The following FAM227B variants were observed in gnomAD, a reference collection of about 807,000 sequenced individuals.
FAM227B encodes protein FAM227B.
Under a neutral mutation model 73.8 loss-of-function variants are expected in FAM227B, and 88 were observed. That is an observed-to-expected ratio of 1.19 (90% confidence interval 1.00 to 1.42). The LOEUF (loss-of-function observed/expected upper bound fraction) is 1.42. FAM227B is among the 40% of genes most tolerant of loss of function. The pLI is 0.00. For missense variants in FAM227B, 632 were observed against 590.9 expected, an observed-to-expected ratio of 1.07 and a Z score of -0.72; for synonymous variants, 210 against 190.5, an observed-to-expected ratio of 1.10 and a Z score of -0.84.
intron 13 of FAM227B, among the ~76,000 whole-genome samples, chr15:49,346,126 C>T (rs1043242413): frequency 3.3e-5 from 5 of 151,402 alleles, no homozygotes; most frequent in African/African-American, 7.3e-5. Context: ...TTACTGGCTG[C>T]TTGATAGATA....
At chr15:49,529,742 C>T (rs1488128400) in intron 10 of FAM227B, among the ~76,000 whole-genome samples, 3 of 151,632 alleles carry the variant, frequency 2.0e-5, no homozygotes, top group African/African-American at 7.3e-5. Flanking sequence ...CTTATAGTCA[C>T]ATCTACTCTT....
At chr15:49,561,104 G>C (rs907595916) in intron 9 of FAM227B, among the ~76,000 whole-genome samples, 1 of 152,082 alleles carries the variant, frequency 6.6e-6, no homozygotes, top group African/African-American at 2.4e-5. Flanking sequence ...TGAAAGACAA[G>C]ACTTATCTAT....
intron 11 of FAM227B, chr15:49,485,479 A>G (rs1027351117): frequency 9.8e-5 from 15 of 152,446 alleles, no homozygotes; most frequent in Non-Finnish European, 2.1e-4. Context: ...TTTATAAAAA[A>G]AAAACCTTAA....
intron 9 of FAM227B, among the ~76,000 whole-genome samples, chr15:49,551,562 T>A (rs2073029129): frequency 6.6e-6 from 1 of 152,194 alleles, no homozygotes; most frequent in African/African-American, 2.4e-5. Context: ...CAGCCAGTCT[T>A]TTAATTAGAG....
chr15:49,613,596 G>A (rs555663770), intron 2 of FAM227B, among the ~76,000 whole-genome samples: 12 of 152,184 alleles, frequency 7.9e-5, no homozygotes, highest in African/African-American at 2.9e-4. Context: ...ATAATTTACT[G>A]CACATTTTAA....
At chr15:49,405,768 G>A (rs1462165143) in intron 11 of FAM227B, among the ~76,000 whole-genome samples, 1 of 152,170 alleles carries the variant, frequency 6.6e-6, no homozygotes, top group Middle Eastern at 3.2e-3. Flanking sequence ...ATCTCAGCCT[G>A]GTTCAGAACC....
chr15:49,338,197 C>T (rs867639777), intron 13 of FAM227B, among the ~76,000 whole-genome samples: 16 of 152,130 alleles, frequency 1.1e-4, no homozygotes, highest in South Asian at 4.2e-4. Flanking sequence ...TTGTTTTGCC[C>T]GTTAATTATG....
At chr15:49,509,403 C>A (rs1409953454) in intron 10 of FAM227B, among the ~76,000 whole-genome samples, 1 of 152,000 alleles carries the variant, frequency 6.6e-6, no homozygotes, top group African/African-American at 2.4e-5. Context: ...ATTGCATAAA[C>A]CCTACTTGGT....
chr15:49,485,922 G>T, intron 11 of FAM227B: 1 of 151,994 alleles, frequency 6.6e-6, no homozygotes, highest in East Asian at 1.9e-4. Context: ...TAGATGGCAA[G>T]AGCACAATGC....
At chr15:49,366,203 C>T (rs1188750189) in intron 13 of FAM227B, 9 of 796,142 alleles carry the variant, frequency 1.1e-5, no homozygotes, top group Non-Finnish European at 2.1e-5. Flanking sequence ...CGATGGAGAA[C>T]ACATTTTCAC....
chr15:49,422,518 G>C, intron 11 of FAM227B: 1 of 1,281,870 alleles, frequency 7.8e-7, no homozygotes, highest in Non-Finnish European at 9.9e-7. Context: ...TTAAAAGTAG[G>C]TGCCCTGTTC....
At chr15:49,427,829 T>C (rs1312547769) in intron 11 of FAM227B, among the ~76,000 whole-genome samples, 1 of 151,852 alleles carries the variant, frequency 6.6e-6, no homozygotes, top group Non-Finnish European at 1.5e-5. Flanking sequence ...CTCGGGTAGA[T>C]GGTTGGAGGG....
chr15:49,572,115 A>T (rs2075147226), intron 8 of FAM227B, among the ~76,000 whole-genome samples: 1 of 152,038 alleles, frequency 6.6e-6, no homozygotes, highest in Non-Finnish European at 1.5e-5. Flanking sequence ...TTACTATTGT[A>T]AACAGAATTG....
rs556669317 is a variant in FAM227B, at chr15:49,572,615, A to T, written c.645+2396T>A. Among the ~76,000 whole-genome samples, 3 of 152,256 alleles carry T rather than the reference A, an allele frequency of 2.0e-5. No homozygotes were observed. In the East Asian group the frequency reaches 5.8e-4, roughly 29 times the overall value. On this transcript the variant is annotated intron_variant, in intron 8 of 15. Transcript: ENST00000299338. ...TTCTCATTAAGCTGATCATTTTCATACCAAACAACCCACAATTCCTTTCCT... is the reference window on the plus strand; with the variant it reads ...TTCTCATTAAGCTGATCATTTTCATTCCAAACAACCCACAATTCCTTTCCT...
chr15:49,408,165 G>C (rs781580651), intron 11 of FAM227B, among the ~76,000 whole-genome samples: 2 of 152,074 alleles, frequency 1.3e-5, no homozygotes, highest in Non-Finnish European at 2.9e-5. Flanking sequence ...GCAAGAAAAC[G>C]TTTTTATTTA....
At chr15:49,490,501 C>T (rs111988191) in intron 11 of FAM227B, among the ~76,000 whole-genome samples, 1 of 151,858 alleles carries the variant, frequency 6.6e-6, no homozygotes, top group Admixed American at 6.6e-5. Context: ...AACTTTGCTG[C>T]TTAATTAGGT....
chr15:49,388,639 C>G (rs8027094), intron 11 of FAM227B, among the ~76,000 whole-genome samples: 25,406 of 151,642 alleles, frequency 0.17, 2,399 homozygotes, highest in Non-Finnish European at 0.21. Context: ...ACAAATGAGA[C>G]CTAATTAAAC....
chr15:49,498,180 T>A (rs1226105963), intron 11 of FAM227B, among the ~76,000 whole-genome samples: 3 of 152,228 alleles, frequency 2.0e-5, no homozygotes, highest in Admixed American at 2.0e-4. Flanking sequence ...ATCAAATGAC[T>A]GATAGGCAGT....
chr15:49,508,538 T>C (rs2058747039), intron 10 of FAM227B, among the ~76,000 whole-genome samples, 190 bp from the exon 11 acceptor site: 1 of 151,986 alleles, frequency 6.6e-6, no homozygotes, highest in Non-Finnish European at 1.5e-5. Context: ...TCCTCAGCAA[T>C]AAAAATGAGA....
Sources: allele counts gnomAD v4.1 joint callset (sites outside exome capture counted in the v4.1 genomes callset), GRCh38; gene constraint gnomAD v4.1.1; transcripts MANE v1.5; gene names NCBI Gene and HGNC (gene_info 2026-07-23, HGNC 2026-07-21).